Variants in OSMR observed in about 807,000 individuals in gnomAD.
OSMR encodes the protein oncostatin M receptor.
A neutral mutation model predicts 99.9 loss-of-function variants in OSMR; 81 were observed. The observed-to-expected ratio is 0.81, with a 90% CI of 0.68 to 0.97. OSMR has a LOEUF of 0.97. Among genes scored for constraint, OSMR ranks in the 50% least tolerant of loss-of-function variants. The pLI is 0.00. For missense variants in OSMR, 1,099 were observed against 1,153.4 expected (o/e 0.95, Z 0.68); for synonymous variants, 406 against 410.4 (o/e 0.99, Z 0.13).
At chr5:38,923,331 G>C in intron 13 of OSMR, 77 bp downstream of exon 13, 2 of 960,142 alleles carry the variant, frequency 2.1e-6, no homozygotes, top group East Asian at 2.4e-5. Context: ...TTTGGGTTTA[G>C]GAAGCTGTCA....
chr5:38,882,411 C>T (rs774250838), intron 4 of OSMR, among the ~76,000 whole-genome samples: 10 of 152,126 alleles, frequency 6.6e-5, no homozygotes, highest in Non-Finnish European at 1.3e-4. Context: ...CCTGTCTCTA[C>T]TAAAAATATA....
chr5:38,848,394 T>G (rs1740059409), intron 1 of OSMR, among the ~76,000 whole-genome samples: 2 of 152,226 alleles, frequency 1.3e-5, no homozygotes, highest in Non-Finnish European at 2.9e-5. Context: ...GTTGGTGGCT[T>G]CATAGCCTTC....
At chr5:38,872,548 A>C (rs548140099) in intron 2 of OSMR, among the ~76,000 whole-genome samples, 5 of 152,228 alleles carry the variant, frequency 3.3e-5, no homozygotes, top group African/African-American at 1.2e-4. Flanking sequence ...GGAATTGCAC[A>C]TTCTGAGGTA....
intron 9 of OSMR, among the ~76,000 whole-genome samples, chr5:38,913,058 A>G (rs894548990): frequency 6.6e-6 from 1 of 152,192 alleles, no homozygotes; most frequent in African/African-American, 2.4e-5. Flanking sequence ...AATTGCAACA[A>G]AAACAAAAAT....
At chr5:38,906,651 C>A (rs1260886048) in intron 9 of OSMR, among the ~76,000 whole-genome samples, 4 of 152,114 alleles carry the variant, frequency 2.6e-5, no homozygotes, top group Non-Finnish European at 5.9e-5. Flanking sequence ...AAATTGAAAT[C>A]TGCTTTAATA....
chr5:38,857,822 C>T (rs975089871), intron 1 of OSMR, among the ~76,000 whole-genome samples: 1 of 152,032 alleles, frequency 6.6e-6, no homozygotes, highest in African/African-American at 2.4e-5. Context: ...GGCGTGCCAC[C>T]ATGCCTGGCT....
At chr5:38,868,280 C>T (rs1303862040) in intron 1 of OSMR, among the ~76,000 whole-genome samples, 1 of 152,198 alleles carries the variant, frequency 6.6e-6, no homozygotes, top group Non-Finnish European at 1.5e-5. Flanking sequence ...TGGCTGCTGG[C>T]TGATCTAGGC....
intron 9 of OSMR, among the ~76,000 whole-genome samples, chr5:38,910,909 C>A (rs1389850159): frequency 6.6e-6 from 1 of 152,148 alleles, no homozygotes; most frequent in African/African-American, 2.4e-5. Flanking sequence ...AGTCGGGAGG[C>A]TGAGGCAGGA....
intron 7 of OSMR, among the ~76,000 whole-genome samples, chr5:38,895,909 T>C (rs1272316844): frequency 1.3e-5 from 2 of 152,014 alleles, no homozygotes; most frequent in African/African-American, 4.8e-5. Context: ...GAAGAGACTG[T>C]CCTTTCCCCA....
At chr5:38,894,777 C>T (rs1474128550) in intron 7 of OSMR, among the ~76,000 whole-genome samples, 1 of 151,896 alleles carries the variant, frequency 6.6e-6, no homozygotes, top group East Asian at 1.9e-4. Context: ...ACTTCAACAC[C>T]ACACTGACAG....
At chr5:38,916,836 G>C (rs1345851823) in intron 9 of OSMR, among the ~76,000 whole-genome samples, 1 of 152,098 alleles carries the variant, frequency 6.6e-6, no homozygotes, top group Non-Finnish European at 1.5e-5. Flanking sequence ...GAGCTTTCAC[G>C]AAGTGCCAGG....
At chr5:38,861,532 A>G (rs1279452779) in intron 1 of OSMR, among the ~76,000 whole-genome samples, 3 of 152,334 alleles carry the variant, frequency 2.0e-5, no homozygotes, top group Admixed American at 2.0e-4. Context: ...CTACACAGAC[A>G]CCGCAACCAT....
downstream of OSMR, chr5:38,940,245 G>T: frequency 4.6e-6 from 1 of 215,440 alleles, no homozygotes; most frequent in Non-Finnish European, 9.3e-6. Flanking sequence ...GGGGGAGGGG[G>T]TGTGTGTGTG....
chr5:38,892,231 CCACTACCT>C, intron 7 of OSMR, among the ~76,000 whole-genome samples: 1 of 152,184 alleles, frequency 6.6e-6, no homozygotes, highest in African/African-American at 2.4e-5. Context: ...AACCTCCCTG[CCACTACCT>C]GAACATTTCA....
intron 10 of OSMR, among the ~76,000 whole-genome samples, chr5:38,917,944 T>C (rs1466568139): frequency 1.3e-5 from 2 of 152,178 alleles, no homozygotes; most frequent in Admixed American, 6.5e-5. Context: ...ATTTAAATAG[T>C]CATACTATTT....
In OSMR at chr5:38,933,018, T is replaced by TTATC. The variant is rs767494092; in HGVS notation, c.2516_2519dup (p.Leu841SerfsTer18). 1.1e-5 allele frequency: 17 copies of TTATC among 1,614,132 alleles called. No homozygotes were observed. The South Asian group carries it at 1.5e-4, about 15-fold the overall frequency. ...CCGAGTTGACTAAGCCTAACTACCT[T>TTATC]TATCTCCTTCCAACAGAAAAGAATC... is the stretch of plus-strand genomic sequence containing the variant. On this transcript the variant is annotated frameshift_variant, in exon 18 of 18. Coordinates refer to ENST00000274276, the MANE Select transcript of OSMR (RefSeq NM_003999.3). LOFTEE classifies it low-confidence loss of function (END_TRUNC).
chr5:38,848,103 G>T (rs1740024881), intron 1 of OSMR, among the ~76,000 whole-genome samples: 1 of 152,192 alleles, frequency 6.6e-6, no homozygotes, highest in African/African-American at 2.4e-5. Flanking sequence ...CAAGAAGAAG[G>T]TGTGTATTTT....
In OSMR at chr5:38,917,603, C is replaced by CTGTG; in HGVS notation, c.1344_1347dup (p.Thr450CysfsTer21). On this transcript the variant is annotated frameshift_variant, in exon 10 of 18. Coordinates refer to ENST00000274276, the MANE Select transcript of OSMR (RefSeq NM_003999.3). LOFTEE classifies it high-confidence loss of function. ...GTGAGCTTGGAGCCAGGAAATCATA[C>CTGTG]TGTGACCTTATTCTGGAAGGTAAGA... 6.2e-7 allele frequency: 1 copy of CTGTG among 1,613,122 alleles called. No homozygotes were observed. Among genetic ancestry groups the CTGTG allele is most frequent in the Non-Finnish European group, 8.5e-7 (1 of 1,179,120 alleles).
chr5:38,918,806 C>G, intron 10 of OSMR, 34 bp from the exon 11 acceptor site: 1 of 1,611,322 alleles, frequency 6.2e-7, no homozygotes, highest in Non-Finnish European at 8.5e-7. Flanking sequence ...TCAATTAAAA[C>G]CCATTTAAAA....
Sources: allele counts gnomAD v4.1 joint callset (sites outside exome capture counted in the v4.1 genomes callset), GRCh38; gene constraint gnomAD v4.1.1; transcripts MANE v1.5; gene names NCBI Gene and HGNC (gene_info 2026-07-23, HGNC 2026-07-21).